The following AGAP1 variants were observed in gnomAD, a reference collection of about 807,000 sequenced individuals.
AGAP1 encodes ArfGAP with GTPase domain, ankyrin repeat and PH domain 1.
In AGAP1, 29 loss-of-function variants were observed where a neutral mutation model predicts 105.3. The observed-to-expected ratio is 0.28, with a 90% CI of 0.21 to 0.38. AGAP1 has a LOEUF of 0.38. AGAP1 is among the 10% of genes least tolerant of loss of function. The pLI, the probability that AGAP1 is intolerant of heterozygous loss-of-function variation, is 1.00. For synonymous variants in AGAP1, 509 were observed against 485.9 expected, an observed-to-expected ratio of 1.05 and a Z score of -0.63; for missense variants, 998 against 1,165.1, an observed-to-expected ratio of 0.86 and a Z score of 2.09.
At position 235,801,302 on chromosome 2, in the gene AGAP1, G is replaced by A. The variant is rs1193303597; in HGVS notation, c.957+1780G>A. Reference sequence around the variant, plus strand: ...AGTACTTCTGCAGTGGGGCTTCCGGGAAGACTTCCTGGAGGAGGCAGAAGA... The same window carrying A: ...AGTACTTCTGCAGTGGGGCTTCCGGAAAGACTTCCTGGAGGAGGCAGAAGA... On this transcript the variant is annotated intron_variant, in intron 8 of 17. Transcript: ENST00000304032. This position sits in a 1 kb window ranked among gnomAD's most constrained non-coding sequence, Gnocchi z 6.0. Among the ~76,000 whole-genome samples, 2 of 152,174 alleles carry A rather than the reference G, an allele frequency of 1.3e-5. No individual in the cohort carries two copies. Among genetic ancestry groups the A allele is most frequent in the Non-Finnish European group, 2.9e-5 (2 of 68,034 alleles).
At chr2:235,593,093 A>T (rs756043843) in intron 1 of AGAP1, among the ~76,000 whole-genome samples, 45 of 152,046 alleles carry the variant, frequency 3.0e-4, no homozygotes, top group Non-Finnish European at 5.3e-4. Flanking sequence ...GAGAGGGGAG[A>T]GGGATGCAGG....
intron 1 of AGAP1, among the ~76,000 whole-genome samples, chr2:235,540,303 A>C (rs1205464478): frequency 6.6e-6 from 1 of 151,860 alleles, no homozygotes. Context: ...GGCACACGCC[A>C]CCAACGCCTG....
At chr2:235,648,587 C>T (rs1040494650) in intron 1 of AGAP1, among the ~76,000 whole-genome samples, 15 of 152,014 alleles carry the variant, frequency 9.9e-5, no homozygotes, top group Admixed American at 2.6e-4. Flanking sequence ...TTAAGACAGT[C>T]ATGTGGCCGG....
In AGAP1 at chr2:235,936,949, G is replaced by A. The variant is rs2053020960; in HGVS notation, c.1483+6026G>A. On this transcript the variant is annotated intron_variant, in intron 12 of 17. Transcript: ENST00000304032. This position sits in a 1 kb window ranked among gnomAD's most constrained non-coding sequence, Gnocchi z 4.7. Reference sequence around the variant, plus strand: ...TTCCCCTCTGCTTTTTTTTTTTTAAGGAGAAACGCATGCTTAGTACTAAAA... The same window carrying A: ...TTCCCCTCTGCTTTTTTTTTTTTAAAGAGAAACGCATGCTTAGTACTAAAA... Among the ~76,000 whole-genome samples, 1 of 150,610 alleles carries A rather than the reference G, an allele frequency of 6.6e-6. No homozygotes were observed. The highest frequency in any genetic ancestry group is 2.1e-4 in the South Asian group (1 of 4,780).
At chr2:235,708,787 A>G (rs1950677085) in intron 1 of AGAP1, among the ~76,000 whole-genome samples, 1 of 152,212 alleles carries the variant, frequency 6.6e-6, no homozygotes, top group Non-Finnish European at 1.5e-5. Context: ...GACAGGCTAT[A>G]ACAGAATCAC....
chr2:235,813,344 G>A lies in AGAP1; in HGVS notation c.1050+6013G>A, dbSNP rs76581991. On this transcript the variant is annotated intron_variant, in intron 9 of 17. Coordinates refer to ENST00000304032, the MANE Select transcript of AGAP1 (RefSeq NM_001037131.3). ...CCTTGGCCGTGAGGGTTGCATGAGG[G>A]TGACAGGAAGTAGTGTAGCCCTAGG... Among the ~76,000 whole-genome samples, 788 of 152,342 alleles carry A rather than the reference G, an allele frequency of 5.2e-3. 7 individuals are homozygous for A. Among genetic ancestry groups the A allele is most frequent in the African/African-American group, 0.018 (741 of 41,574 alleles).
chr2:235,945,017 T>A (rs918074374), intron 12 of AGAP1, among the ~76,000 whole-genome samples: 1 of 152,264 alleles, frequency 6.6e-6, no homozygotes. Context: ...TTCCTGACAA[T>A]TAATTTTTTA....
chr2:235,636,258 T>C (rs1194540433), intron 1 of AGAP1, among the ~76,000 whole-genome samples: 7 of 152,186 alleles, frequency 4.6e-5, no homozygotes, highest in African/African-American at 1.4e-4. Context: ...GTGCAGGGCC[T>C]TTATCCTTGG....
At position 235,494,170 on chromosome 2, in the gene AGAP1, C is replaced by T. The variant is rs1941204280; in HGVS notation, c.-517C>T. 3 of 143,708 alleles carry T rather than the reference C, an allele frequency of 2.1e-5. No individual in the cohort carries two copies. The highest frequency in any genetic ancestry group is 3.9e-4 in the South Asian group (2 of 5,082). The allele number at this position is 143,708 out of a possible 1,614,324, so 8.9% of individuals were successfully genotyped here. On this transcript the variant is annotated 5_prime_UTR_variant, in exon 1 of 18. Transcript: ENST00000304032. ...GCGGGCGGCGCACGGCGGGCTCGCG[C>T]GGGGGCCCCGGCGCGCCGGGCGGCG... is the stretch of plus-strand genomic sequence containing the variant.
At chr2:235,589,194 G>GTTTTTTTTTTTTTTTTT (rs928149334) in intron 1 of AGAP1, among the ~76,000 whole-genome samples, 3 of 59,584 alleles carry the variant, frequency 5.0e-5, no homozygotes, top group African/African-American at 8.0e-5. Flanking sequence ...TTATTGTTTT[G>GTTTTTTTTTTTTTTTTT]TTTTTTTTTT....
In AGAP1 at chr2:235,787,434, T is replaced by C. The variant is rs1956715882; in HGVS notation, c.674-10325T>C. 6.6e-6 allele frequency among the ~76,000 whole-genome samples: 1 copy of C among 152,202 alleles called. No individual in the cohort carries two copies. The highest frequency in any genetic ancestry group is 2.4e-5 in the African/African-American group (1 of 41,446). ...TTTGTCTGCATCATAGACACACGCC[T>C]CTCTTTATAGCACTTTCTATATCCC... On this transcript the variant is annotated intron_variant, in intron 6 of 17. Transcript: ENST00000304032. The surrounding 1 kb of genome is among the most constrained non-coding windows in gnomAD (Gnocchi z 4.4).
intron 16 of AGAP1, among the ~76,000 whole-genome samples, chr2:236,091,946 A>G (rs1401869310): frequency 6.6e-6 from 1 of 152,240 alleles, no homozygotes; most frequent in East Asian, 1.9e-4. Context: ...GTGAAAAGGA[A>G]TGAATTCTTA....
In AGAP1 at chr2:235,992,414, G is replaced by A. The variant is rs73996695; in HGVS notation, c.1645+23791G>A. On this transcript the variant is annotated intron_variant, in intron 13 of 17. Coordinates refer to ENST00000304032, the MANE Select transcript of AGAP1 (RefSeq NM_001037131.3). The surrounding 1 kb of genome is among the most constrained non-coding windows in gnomAD (Gnocchi z 4.8). Reference sequence around the variant, plus strand: ...CTCAATGAACTCCTGTGCTTTGAGTGTCTGGCGTTCAGTGGCAGGGGACCC... The same window carrying A: ...CTCAATGAACTCCTGTGCTTTGAGTATCTGGCGTTCAGTGGCAGGGGACCC... Among the ~76,000 whole-genome samples the A allele has an allele frequency of 0.014, 2,113 of 152,314 alleles. 51 individuals are homozygous for A. Among genetic ancestry groups the A allele is most frequent in the African/African-American group, 0.048 (2,008 of 41,576 alleles).
intron 1 of AGAP1, among the ~76,000 whole-genome samples, chr2:235,674,017 C>T (rs951635787): frequency 1.2e-4 from 18 of 152,334 alleles, no homozygotes; most frequent in Middle Eastern, 3.4e-3. Flanking sequence ...CTCCTACATA[C>T]GTGTACCTTT....
chr2:235,591,125 C>T (rs548587318), intron 1 of AGAP1, among the ~76,000 whole-genome samples: 49 of 152,212 alleles, frequency 3.2e-4, no homozygotes, highest in African/African-American at 1.1e-3. Flanking sequence ...AAGCAATTTT[C>T]GTGCCTCAGC....
intron 1 of AGAP1, among the ~76,000 whole-genome samples, chr2:235,607,468 G>A (rs766543764): frequency 1.2e-4 from 19 of 152,366 alleles, no homozygotes; most frequent in South Asian, 1.0e-3. Flanking sequence ...CAGGGCAGGA[G>A]GAGCTGTTCT....
At chr2:236,117,783 T>C (rs2059806438) in intron 16 of AGAP1, among the ~76,000 whole-genome samples, 1 of 152,258 alleles carries the variant, frequency 6.6e-6, no homozygotes, top group African/African-American at 2.4e-5. Flanking sequence ...TAATACATTT[T>C]AAATAAGGCC....
chr2:235,840,691 T>C (rs1388901098), intron 9 of AGAP1, among the ~76,000 whole-genome samples: 1 of 151,686 alleles, frequency 6.6e-6, no homozygotes, highest in Non-Finnish European at 1.5e-5. Flanking sequence ...AAGACATATC[T>C]GGAGGCTTTC....
rs565011531 is a variant in AGAP1, at chr2:235,610,162, G to A, written c.164-99017G>A. On this transcript the variant is annotated intron_variant, in intron 1 of 17. Coordinates refer to ENST00000304032, the MANE Select transcript of AGAP1 (RefSeq NM_001037131.3). This position sits in a 1 kb window ranked among gnomAD's most constrained non-coding sequence, Gnocchi z 4.9. Reference sequence around the variant, plus strand: ...AGCTCCAGCCCAGCTCCTGGCTTCTGATCTGTGTTGACTGCTACCCGATAG... The same window carrying A: ...AGCTCCAGCCCAGCTCCTGGCTTCTAATCTGTGTTGACTGCTACCCGATAG... Among the ~76,000 whole-genome samples, 2 of 152,266 alleles carry A rather than the reference G, an allele frequency of 1.3e-5. No individual in the cohort carries two copies. The highest frequency in any genetic ancestry group is 4.1e-4 in the South Asian group (2 of 4,820).
Sources: allele counts gnomAD v4.1 joint callset (sites outside exome capture counted in the v4.1 genomes callset), GRCh38; gene constraint gnomAD v4.1.1; non-coding constraint Gnocchi (gnomAD v3.1); transcripts MANE v1.5; gene names NCBI Gene and HGNC (gene_info 2026-07-23, HGNC 2026-07-21).